DEPDC5: variants seen among roughly 807,000 people sequenced by gnomAD.
DEPDC5 encodes the protein DEP domain containing 5, GATOR1 subcomplex subunit.
DEPDC5 carries 73 observed loss-of-function variants against 217.3 expected under a neutral mutation model. That is an observed-to-expected ratio of 0.34 (90% CI 0.28 to 0.41). The LOEUF is 0.41. Ranked by LOEUF, DEPDC5 falls within the 10% of genes least tolerant of loss-of-function variation. The pLI, the probability that DEPDC5 is intolerant of heterozygous loss-of-function variation, is 1.00. For synonymous variants in DEPDC5, 733 were observed against 756.7 expected, an observed-to-expected ratio of 0.97 and a Z score of 0.51; for missense variants, 1,675 against 2,070.1, an observed-to-expected ratio of 0.81 and a Z score of 3.70.
In DEPDC5 at chr22:31,768,527, T is replaced by C. The variant is rs150837731; in HGVS notation, c.364-287T>C. Among the ~76,000 whole-genome samples the C allele has an allele frequency of 2.8e-3, 428 of 152,328 alleles. 1 individual carries two copies. The highest frequency in any genetic ancestry group is 4.9e-3 in the Non-Finnish European group (334 of 68,034). ...ATATGTATGTAAACATATGTGAAGA[T>C]GAGGATATTTGTAAAGCTGGTCATT... On this transcript the variant is annotated intron_variant, in intron 6 of 42. Coordinates refer to ENST00000651528, the MANE Select transcript of DEPDC5 (RefSeq NM_001242896.3).
chr22:31,855,121 C>T (rs747132950), intron 31 of DEPDC5, among the ~76,000 whole-genome samples: 18 of 151,816 alleles, frequency 1.2e-4, no homozygotes, highest in Non-Finnish European at 2.5e-4. Flanking sequence ...TGCGCCACCA[C>T]GCCTGGCTAA....
chr22:31,877,767 A>C (rs1003333133), intron 37 of DEPDC5, among the ~76,000 whole-genome samples: 4 of 150,354 alleles, frequency 2.7e-5, no homozygotes, highest in Admixed American at 6.6e-5. Flanking sequence ...AAAAAAAAAA[A>C]AAAAAAACAG....
At chr22:31,762,343 A>C (rs940497319) in intron 4 of DEPDC5, among the ~76,000 whole-genome samples, 5 of 152,258 alleles carry the variant, frequency 3.3e-5, no homozygotes, top group Admixed American at 1.3e-4. Context: ...TCTGGATTCA[A>C]ATCCTTTCTT....
intron 7 of DEPDC5, among the ~76,000 whole-genome samples, chr22:31,776,434 A>G (rs550055963): frequency 6.6e-6 from 1 of 152,058 alleles, no homozygotes; most frequent in East Asian, 1.9e-4. Flanking sequence ...TTTAAAGATA[A>G]TGCCACTGAA....
In DEPDC5 at chr22:31,792,630, A is replaced by G. The variant is rs573088177; in HGVS notation, c.695-115A>G. The G allele has an allele frequency of 2.0e-3, 1,230 of 614,950 alleles. 8 individuals are homozygous for G. The highest frequency in any genetic ancestry group is 2.8e-3 in the South Asian group (133 of 47,042). The allele number at this position is 614,950 out of a possible 1,614,324, so 38.1% of individuals were successfully genotyped here. On this transcript the variant is annotated intron_variant, in intron 11 of 42. Coordinates refer to ENST00000651528, the MANE Select transcript of DEPDC5 (RefSeq NM_001242896.3). ...CAAAAAAAAAAAAAAAAAAAAAAAA[A>G]AAGACAGTTATCTTTATTTTTTTGT...
At chr22:31,817,629 C>T (rs2089277989) in intron 21 of DEPDC5, 1 of 183,458 alleles carries the variant, frequency 5.5e-6, no homozygotes, top group Non-Finnish European at 1.1e-5. Context: ...GCTGGGACTA[C>T]AGGTGTGCAC....
chr22:31,837,286 G>T, intron 26 of DEPDC5, 131 bp downstream of exon 26: 4 of 808,594 alleles, frequency 4.9e-6, no homozygotes, highest in East Asian at 3.0e-5. Context: ...ATATAGAGGA[G>T]ATTAGCATGG....
Position 31,902,652 on chromosome 22 carries a change from A to G in DEPDC5, c.4436+850A>G, listed in dbSNP as rs2093672134. On this transcript the variant is annotated intron_variant, in intron 41 of 42. Coordinates refer to ENST00000651528, the MANE Select transcript of DEPDC5 (RefSeq NM_001242896.3). ...GCAGAAGGTAGAGAGTGCAGCAGTC[A>G]ATGGGAAAGGGCCTTGATGTACGAA... is the stretch of plus-strand genomic sequence containing the variant. 2.0e-5 allele frequency among the ~76,000 whole-genome samples: 3 copies of G among 151,994 alleles called. No individual in the cohort carries two copies. In the South Asian group the frequency reaches 6.2e-4, roughly 31 times the overall value.
At chr22:31,829,466 A>G (rs1386788748) in intron 24 of DEPDC5, among the ~76,000 whole-genome samples, 1 of 152,066 alleles carries the variant, frequency 6.6e-6, no homozygotes, top group Non-Finnish European at 1.5e-5. Flanking sequence ...CGGGAGGTGG[A>G]GGTTGCAGTG....
chr22:31,846,687 A>T, intron 30 of DEPDC5, 147 bp from the exon 31 acceptor site: 1 of 1,126,756 alleles, frequency 8.9e-7, no homozygotes, highest in South Asian at 1.5e-5. Context: ...GTTTTCTGTC[A>T]CTTACTGAAC....
intron 31 of DEPDC5, among the ~76,000 whole-genome samples, chr22:31,855,397 G>A (rs995980854): frequency 7.0e-6 from 1 of 142,064 alleles, no homozygotes; most frequent in Non-Finnish European, 1.5e-5. Context: ...TTTTTTTTGC[G>A]ACGGAGTCTC....
intron 37 of DEPDC5, 127 bp downstream of exon 37, chr22:31,876,392 A>G (rs1206346828): frequency 2.9e-6 from 2 of 687,744 alleles, no homozygotes; most frequent in East Asian, 2.7e-5. Context: ...AGATCTGTCA[A>G]CTTCCTTGAG....
At chr22:31,808,332 C>T (rs985079755) in intron 18 of DEPDC5, among the ~76,000 whole-genome samples, 1 of 151,204 alleles carries the variant, frequency 6.6e-6, no homozygotes, top group Non-Finnish European at 1.5e-5. Context: ...GCGATCTTGG[C>T]TCACTGTAAC....
At chr22:31,863,145 C>T (rs1461313132) in intron 33 of DEPDC5, among the ~76,000 whole-genome samples, 1 of 152,054 alleles carries the variant, frequency 6.6e-6, no homozygotes, top group African/African-American at 2.4e-5. Flanking sequence ...CTGTGTCTGG[C>T]CATTAACCTT....
At chr22:31,899,546 T>C (rs1398814214) in intron 40 of DEPDC5, among the ~76,000 whole-genome samples, 2 of 152,058 alleles carry the variant, frequency 1.3e-5, no homozygotes, top group Non-Finnish European at 2.9e-5. Context: ...ACGCCATTCA[T>C]GCCCAGGTAA....
chr22:31,842,743 G>A (rs1200720337), intron 27 of DEPDC5, among the ~76,000 whole-genome samples: 1 of 152,150 alleles, frequency 6.6e-6, no homozygotes, highest in Non-Finnish European at 1.5e-5. Context: ...GCCAAGGTGG[G>A]CAGCTTATGC....
At chr22:31,828,319 C>T (rs1413628992) in intron 24 of DEPDC5, among the ~76,000 whole-genome samples, 4 of 152,136 alleles carry the variant, frequency 2.6e-5, no homozygotes, top group East Asian at 1.9e-4. Context: ...GGCGTGGTGG[C>T]GCATGCCTGT....
intron 2 of DEPDC5, among the ~76,000 whole-genome samples, chr22:31,756,508 T>G (rs2081952505): frequency 6.6e-6 from 1 of 152,228 alleles, no homozygotes; most frequent in South Asian, 2.1e-4. Flanking sequence ...AAATAACTTT[T>G]GGCAGAGAAA....
chr22:31,845,306 G>A, intron 30 of DEPDC5, 69 bp downstream of exon 30: 1 of 1,537,374 alleles, frequency 6.5e-7, no homozygotes, highest in Non-Finnish European at 8.8e-7. Flanking sequence ...CCTCTATTAG[G>A]GGCCTCTCAT....
Sources: gnomAD v4.1 joint callset for allele counts (sites outside exome capture counted in the v4.1 genomes callset) on GRCh38, gnomAD v4.1.1 for gene constraint, MANE v1.5 for transcripts, NCBI Gene and HGNC (gene_info 2026-07-23, HGNC 2026-07-21) for gene names.